SLC24A4: variants seen among roughly 807,000 people sequenced by gnomAD.
The protein encoded by SLC24A4 is sodium/potassium/calcium exchanger 4.
A neutral mutation model predicts 79.0 loss-of-function variants in SLC24A4; 53 were observed. That is an observed-to-expected ratio of 0.67 (90% CI 0.54 to 0.84). The LOEUF (loss-of-function observed/expected upper bound fraction) is 0.84, where lower values mean the gene tolerates loss of function less well. SLC24A4 is among the 40% of genes least tolerant of loss of function. SLC24A4 has a pLI of 0.00. For synonymous variants in SLC24A4, 323 were observed against 323.8 expected (o/e 1.00, Z 0.03); for missense variants, 731 against 822.0 (o/e 0.89, Z 1.35).
rs948594715 is a variant in SLC24A4 at position 92,496,098 on chromosome 14, A to G, written c.*2470A>G. On this transcript the variant is annotated 3_prime_UTR_variant, in exon 17 of 17. Transcript: ENST00000532405. The stretch of plus-strand genomic sequence containing the variant: ...CTCAGCAGAACCCATTTGAGATTCT[A>G]AATGAATACTCTTAGTCTCTAAAGT... 2 of 152,656 alleles carry G rather than the reference A, an allele frequency of 1.3e-5. No homozygotes were observed. Among genetic ancestry groups the G allele is most frequent in the Admixed American group, 1.3e-4 (2 of 15,280 alleles). 9.5% of individuals were successfully genotyped at this position (152,656 alleles called of 1,614,324 possible). A position where few individuals can be genotyped will look rare whatever the true frequency, so the allele number is the denominator to read the frequency against.
chr14:92,447,481 A>G (rs1254654948), intron 9 of SLC24A4, 57 bp downstream of exon 9: 2 of 1,511,850 alleles, frequency 1.3e-6, no homozygotes, highest in Admixed American at 3.3e-5. Context: ...TGCCTGCTAC[A>G]GCCTTTTGTG....
intron 2 of SLC24A4, among the ~76,000 whole-genome samples, chr14:92,339,386 G>A (rs1885997931): frequency 1.3e-5 from 2 of 152,364 alleles, no homozygotes; most frequent in South Asian, 4.1e-4. Context: ...CACTTGGGTA[G>A]CAGTGTCCTA....
intron 2 of SLC24A4, among the ~76,000 whole-genome samples, chr14:92,422,741 G>A (rs1283867609): frequency 6.6e-6 from 1 of 152,212 alleles, no homozygotes; most frequent in African/African-American, 2.4e-5. Flanking sequence ...AGTGGTACTT[G>A]TGTTGCCAAC....
At chr14:92,417,107 G>C (rs1891019595) in intron 2 of SLC24A4, among the ~76,000 whole-genome samples, 1 of 152,034 alleles carries the variant, frequency 6.6e-6, no homozygotes, top group South Asian at 2.1e-4. Flanking sequence ...TGCTTGGATG[G>C]GCTTGTTAGA....
At chr14:92,341,658 C>T (rs1248714812) in intron 2 of SLC24A4, among the ~76,000 whole-genome samples, 2 of 152,166 alleles carry the variant, frequency 1.3e-5, no homozygotes, top group African/African-American at 4.8e-5. Flanking sequence ...GGCAGCTTGC[C>T]TCCCCTAAAG....
intron 12 of SLC24A4, 60 bp from the exon 13 acceptor site, chr14:92,482,620 G>C: frequency 1.4e-6 from 2 of 1,465,896 alleles, no homozygotes; most frequent in East Asian, 2.4e-5. Flanking sequence ...AGACTGGCAG[G>C]TGTGTTACCC....
intron 2 of SLC24A4, among the ~76,000 whole-genome samples, chr14:92,412,829 G>A (rs1890794278): frequency 6.6e-6 from 1 of 152,162 alleles, no homozygotes; most frequent in South Asian, 2.1e-4. Flanking sequence ...CAGCCTGCGG[G>A]TCAAATTCAG....
chr14:92,448,328 AT>A (rs138961983), intron 9 of SLC24A4, among the ~76,000 whole-genome samples: 7 of 141,352 alleles, frequency 5.0e-5, no homozygotes, highest in Admixed American at 7.2e-5. Flanking sequence ...TATGACATAT[AT>A]TTTTTTCCCA....
chr14:92,474,863 A>ATATATATATATATATAT lies in SLC24A4; in HGVS notation c.1256-7816_1256-7815insATATATATATATATATT, dbSNP rs36185636. On this transcript the variant is annotated intron_variant, in intron 12 of 16. Transcript: ENST00000532405. ...TGTGTGTATATATATATATATATAT[A>ATATATATATATATATAT]TTTTTTTTTTTTTTAGTAGACACAG... Among the ~76,000 whole-genome samples, 409 of 57,026 alleles carry ATATATATATATATATAT rather than the reference A, an allele frequency of 7.2e-3. 31 individuals carry two copies. Among genetic ancestry groups the ATATATATATATATATAT allele is most frequent in the Middle Eastern group, 0.015 (2 of 132 alleles). 37.4% of individuals were successfully genotyped at this position (57,026 alleles called of 152,430 possible).
chr14:92,485,739 A>T (rs1043452925), intron 13 of SLC24A4, among the ~76,000 whole-genome samples: 1 of 152,198 alleles, frequency 6.6e-6, no homozygotes, highest in African/African-American at 2.4e-5. Context: ...AATATGTGAA[A>T]TTCTTCTCTA....
At chr14:92,428,968 A>G (rs183186669) in intron 2 of SLC24A4, among the ~76,000 whole-genome samples, 2 of 152,356 alleles carry the variant, frequency 1.3e-5, no homozygotes, top group African/African-American at 4.8e-5. Flanking sequence ...GTGCTCTGGA[A>G]AAGGCAAATA....
In SLC24A4 at chr14:92,453,890, C is replaced by T. The variant is rs370652665; in HGVS notation, c.881-10C>T. ...GAGATCAGCACTAATCACGGTGTTGCGCTCAACAGTGAAGGAGAAGCCACA... is the reference window on the plus strand; with the variant it reads ...GAGATCAGCACTAATCACGGTGTTGTGCTCAACAGTGAAGGAGAAGCCACA... On this transcript the variant is annotated splice_polypyrimidine_tract_variant and intron_variant, in intron 10 of 16. Transcript: ENST00000532405. 3.9e-5 allele frequency: 62 copies of T among 1,604,586 alleles called. No individual in the cohort carries two copies. The highest frequency in any genetic ancestry group is 1.9e-4 in the South Asian group (17 of 89,384).
rs568379140 is a variant in SLC24A4, at chr14:92,495,839, T to G, written c.*2211T>G. 2 of 152,246 alleles carry G rather than the reference T, an allele frequency of 1.3e-5. No homozygotes were observed. The highest frequency in any genetic ancestry group is 2.9e-5 in the Non-Finnish European group (2 of 68,046). The allele number at this position is 152,246 out of a possible 1,614,324, so 9.4% of individuals were successfully genotyped here. A position where few individuals can be genotyped will look rare whatever the true frequency, so the allele number is the denominator to read the frequency against. On this transcript the variant is annotated 3_prime_UTR_variant, in exon 17 of 17. Transcript: ENST00000532405. ...CTTTACCCTCCTGGTTGGTTCTTAC[T>G]GTTTGAGTCAAAACCTCATCAATAT...
chr14:92,377,018 T>C (rs1888551202), intron 2 of SLC24A4, among the ~76,000 whole-genome samples: 1 of 152,180 alleles, frequency 6.6e-6, no homozygotes, highest in African/African-American at 2.4e-5. Context: ...CGTGAGGGGC[T>C]CATCACTGCC....
chr14:92,500,664 G>A lies in SLC24A4; in HGVS notation c.*7036G>A, dbSNP rs1896126286. On this transcript the variant is annotated 3_prime_UTR_variant, in exon 17 of 17. Transcript: ENST00000532405. ...GGGGGACCTGGAGACCCTGCGGACA[G>A]AACTGTGGCTGAGCCACTGTGGCCA... The A allele has an allele frequency of 6.6e-6, 1 of 152,414 alleles. No individual in the cohort carries two copies. Among genetic ancestry groups the A allele is most frequent in the Non-Finnish European group, 1.5e-5 (1 of 68,190 alleles). The allele number at this position is 152,414 out of a possible 1,614,324, so 9.4% of individuals were successfully genotyped here.
At chr14:92,448,925 G>T in intron 9 of SLC24A4, 149 bp from the exon 10 acceptor site, 1 of 881,784 alleles carries the variant, frequency 1.1e-6, no homozygotes, top group South Asian at 1.7e-5. Flanking sequence ...TGTCAGCCCA[G>T]TTGAAAAGCT....
rs1026240779 is a variant in SLC24A4, at chr14:92,398,649, C to A, written c.242-35263C>A. Among the ~76,000 whole-genome samples the A allele has an allele frequency of 6.6e-6, 1 of 152,212 alleles. No individual in the cohort carries two copies. The highest frequency in any genetic ancestry group is 2.4e-5 in the African/African-American group (1 of 41,446). ...TTCACATCTGTCCCACCTGGCATGG[C>A]TCAGAACATACCCCTTCCTCGTGTT... On this transcript the variant is annotated intron_variant, in intron 2 of 16. Coordinates refer to ENST00000532405, the MANE Select transcript of SLC24A4 (RefSeq NM_153646.4). The surrounding 1 kb of genome is among the most constrained non-coding windows in gnomAD (Gnocchi z 4.1).
chr14:92,457,636 C>T (rs372291953), intron 12 of SLC24A4: 458 of 152,700 alleles, frequency 3.0e-3, no homozygotes, highest in Non-Finnish European at 5.1e-3. Context: ...GGACCCACCC[C>T]GCCTGCCTTC....
At chr14:92,485,070 G>GCAGCA (rs1263275441) in intron 13 of SLC24A4, among the ~76,000 whole-genome samples, 2 of 134,544 alleles carry the variant, frequency 1.5e-5, no homozygotes, top group Non-Finnish European at 3.5e-5. Context: ...ACCATGAGAT[G>GCAGCA]CAGCAGTGCT....
Sources: gnomAD v4.1 joint callset for allele counts (sites outside exome capture counted in the v4.1 genomes callset) on GRCh38, gnomAD v4.1.1 for gene constraint, Gnocchi (gnomAD v3.1) non-coding constraint, MANE v1.5 for transcripts, NCBI Gene and HGNC (gene_info 2026-07-23, HGNC 2026-07-21) for gene names.